The following ASPA variants were observed in gnomAD, a reference collection of about 807,000 sequenced individuals.
The protein encoded by ASPA is ACY-2.
ASPA carries 25 observed loss-of-function variants against 29.6 expected under a neutral mutation model. The observed-to-expected ratio is 0.85, with a 90% CI of 0.62 to 1.18. ASPA has a LOEUF of 1.18. Ranked by LOEUF, ASPA falls within the 50% of genes most tolerant of loss-of-function variation. The pLI, the probability that ASPA is intolerant of heterozygous loss-of-function variation, is 0.00. For synonymous variants in ASPA, 131 were observed against 130.3 expected (o/e 1.01, Z -0.04); for missense variants, 333 against 385.7 (o/e 0.86, Z 1.14).
Position 3,490,898 on chromosome 17 carries a change from T to C in ASPA, c.634+1556T>C, listed in dbSNP as rs1170350303. On this transcript the variant is annotated intron_variant, in intron 4 of 5. Coordinates refer to ENST00000263080, the MANE Select transcript of ASPA (RefSeq NM_000049.4). The surrounding 1 kb of genome is among the most constrained non-coding windows in gnomAD (Gnocchi z 4.6). ...ATCTCTGCTTCAACCAGAGCTCTTC[T>C]GTGTAACATTTCATTTAAGCAAAGG... 6.6e-6 allele frequency among the ~76,000 whole-genome samples: 1 copy of C among 152,198 alleles called. No individual in the cohort carries two copies. The highest frequency in any genetic ancestry group is 1.5e-5 in the Non-Finnish European group (1 of 68,036).
chr17:3,481,962 C>G (rs1312016104), intron 2 of ASPA, among the ~76,000 whole-genome samples, 164 bp downstream of exon 2: 1 of 151,842 alleles, frequency 6.6e-6, no homozygotes, highest in Non-Finnish European at 1.5e-5. Flanking sequence ...GCTACCAGAA[C>G]ACAGAGGCAG....
At chr17:3,493,321 G>C (rs965665067) in intron 4 of ASPA, among the ~76,000 whole-genome samples, 1 of 152,108 alleles carries the variant, frequency 6.6e-6, no homozygotes, top group African/African-American at 2.4e-5. Context: ...CCAGCACTTG[G>C]GGAGGCTGAG....
At chr17:3,484,940 T>C (rs895011249) in intron 3 of ASPA, among the ~76,000 whole-genome samples, 6 of 152,234 alleles carry the variant, frequency 3.9e-5, no homozygotes, top group African/African-American at 1.4e-4. Context: ...GCTGATAATG[T>C]ATGCTTACTA....
chr17:3,482,894 C>T (rs1417066626), intron 2 of ASPA, among the ~76,000 whole-genome samples: 2 of 149,808 alleles, frequency 1.3e-5, no homozygotes, highest in Non-Finnish European at 3.0e-5. Flanking sequence ...CACCCATTAA[C>T]TCGTCATTTA....
At chr17:3,495,352 CT>C (rs1251049807) in intron 5 of ASPA, among the ~76,000 whole-genome samples, 3 of 152,126 alleles carry the variant, frequency 2.0e-5, no homozygotes, top group Admixed American at 6.5e-5. Context: ...ATACTCTGAT[CT>C]TTTTGGCTTG....
intron 2 of ASPA, among the ~76,000 whole-genome samples, chr17:3,482,752 T>G (rs1445278982): frequency 6.6e-6 from 1 of 151,404 alleles, no homozygotes; most frequent in Non-Finnish European, 1.5e-5. Flanking sequence ...TGGTAGGAGA[T>G]CATAATGTAG....
At chr17:3,477,571 A>G (rs1465877575) in intron 1 of ASPA, among the ~76,000 whole-genome samples, 1 of 149,926 alleles carries the variant, frequency 6.7e-6, no homozygotes, top group Non-Finnish European at 1.5e-5. Flanking sequence ...TCCTGCCTCA[A>G]CCTCCCGAGT....
At chr17:3,480,460 A>C (rs1214106887) in intron 1 of ASPA, among the ~76,000 whole-genome samples, 1 of 152,164 alleles carries the variant, frequency 6.6e-6, no homozygotes, top group African/African-American at 2.4e-5. Flanking sequence ...TCTTGCGCTG[A>C]ATCAGTTCCT....
At chr17:3,494,052 TTG>T (rs1195788434) in intron 4 of ASPA, among the ~76,000 whole-genome samples, 3 of 150,716 alleles carry the variant, frequency 2.0e-5, no homozygotes, top group African/African-American at 7.3e-5. Flanking sequence ...TTTTTTTTTT[TTG>T]AGACAGAGTT....
chr17:3,494,613 C>G (rs1373478546), intron 5 of ASPA, among the ~76,000 whole-genome samples, 154 bp downstream of exon 5: 1 of 151,868 alleles, frequency 6.6e-6, no homozygotes, highest in Non-Finnish European at 1.5e-5. Flanking sequence ...GACTGTCGCT[C>G]AATAAATACT....
rs2074000373 is a variant in ASPA, at chr17:3,502,376, G to C, written c.*3288G>C. 2.0e-5 allele frequency: 3 copies of C among 152,202 alleles called. No individual in the cohort carries two copies. The highest frequency in any genetic ancestry group is 2.0e-4 in the Admixed American group (3 of 15,280). The allele number at this position is 152,202 out of a possible 1,614,324, so 9.4% of individuals were successfully genotyped here. A position where few individuals can be genotyped will look rare whatever the true frequency, so the allele number is the denominator to read the frequency against. The stretch of plus-strand genomic sequence containing the variant: ...ATGTTTGTTTTATTGTGGTGATCTG[G>C]AGCCAAGGCTGAAATATCTCTGAGG... On this transcript the variant is annotated 3_prime_UTR_variant, in exon 6 of 6. Coordinates refer to ENST00000263080, the MANE Select transcript of ASPA (RefSeq NM_000049.4).
chr17:3,476,046 A>T lies in ASPA; in HGVS notation c.-114A>T. The T allele has an allele frequency of 1.0e-6, 1 of 972,702 alleles. No homozygotes were observed. Among genetic ancestry groups the T allele is most frequent in the Non-Finnish European group, 1.6e-6 (1 of 630,320 alleles). The allele number at this position is 972,702 out of a possible 1,614,324, so 60.3% of individuals were successfully genotyped here. On this transcript the variant is annotated 5_prime_UTR_variant, in exon 1 of 6. Coordinates refer to ENST00000263080, the MANE Select transcript of ASPA (RefSeq NM_000049.4). ...TATACTCCACTCAAGGGAATTCTGT[A>T]CTTTGCCCTTTGGGTAAAGTCTCAT...
intron 5 of ASPA, among the ~76,000 whole-genome samples, chr17:3,495,379 A>G (rs1292027023): frequency 1.3e-5 from 2 of 152,144 alleles, no homozygotes; most frequent in Non-Finnish European, 2.9e-5. Flanking sequence ...TCAGGATTGA[A>G]AAACACTGAT....
intron 4 of ASPA, among the ~76,000 whole-genome samples, chr17:3,493,463 A>C (rs1383632987): frequency 7.0e-6 from 1 of 141,930 alleles, no homozygotes. Context: ...CAGGAGGCTG[A>C]GGCAGGAGAA....
At position 3,498,994 on chromosome 17, in the gene ASPA, T is replaced by C. The variant is rs1238769337; in HGVS notation, c.848T>C (p.Val283Ala). 6.2e-7 allele frequency: 1 copy of C among 1,614,242 alleles called. No homozygotes were observed. The highest frequency in any genetic ancestry group is 8.5e-7 in the Non-Finnish European group (1 of 1,180,034). Residue 283 changes from valine (V) to alanine (A), a missense_variant, in exon 6 of 6, where the codon GTG (valine) becomes GCG (alanine). Transcript: ENST00000263080. ...GGDCTVYPVF[V>A]NEAAYYEKKE... ...GACTGTACCGTGTACCCCGTGTTTGTGAATGAGGCCGCATATTACGAAAAG... is the reference window on the plus strand; with the variant it reads ...GACTGTACCGTGTACCCCGTGTTTGCGAATGAGGCCGCATATTACGAAAAG...
intron 4 of ASPA, among the ~76,000 whole-genome samples, chr17:3,489,911 G>A (rs982606470): frequency 4.6e-5 from 7 of 152,156 alleles, no homozygotes; most frequent in Admixed American, 4.6e-4. Flanking sequence ...TTGTTATCGT[G>A]CATCATTTAT....
intron 3 of ASPA, among the ~76,000 whole-genome samples, chr17:3,487,939 G>A (rs1597437644): frequency 6.6e-6 from 1 of 152,154 alleles, no homozygotes; most frequent in African/African-American, 2.4e-5. Context: ...ATGCACAGAT[G>A]CATACCTTAG....
chr17:3,495,931 A>T (rs1312299779), intron 5 of ASPA, among the ~76,000 whole-genome samples: 2 of 152,200 alleles, frequency 1.3e-5, no homozygotes, highest in Non-Finnish European at 2.9e-5. Flanking sequence ...ACTATTGGTG[A>T]CAAAAATATC....
At chr17:3,492,021 C>T (rs1021416440) in intron 4 of ASPA, among the ~76,000 whole-genome samples, 1 of 151,866 alleles carries the variant, frequency 6.6e-6, no homozygotes, top group Non-Finnish European at 1.5e-5. Context: ...GGACTACAGG[C>T]GTGCACCACC....
Sources: allele counts gnomAD v4.1 joint callset (sites outside exome capture counted in the v4.1 genomes callset), GRCh38; gene constraint gnomAD v4.1.1; non-coding constraint Gnocchi (gnomAD v3.1); transcripts MANE v1.5; gene names NCBI Gene and HGNC (gene_info 2026-07-23, HGNC 2026-07-21).